Variants in SHROOM2 observed in about 807,000 individuals in gnomAD.
SHROOM2 encodes the protein shroom family member 2, also known as protein Shroom2.
In SHROOM2, 33 loss-of-function variants were observed where a neutral mutation model predicts 75.9. That is an observed-to-expected ratio of 0.43 (90% CI 0.33 to 0.58). SHROOM2 has a LOEUF of 0.58. Ranked by LOEUF, SHROOM2 falls within the 20% of genes least tolerant of loss-of-function variation. The pLI, the probability that SHROOM2 is intolerant of heterozygous loss-of-function variation, is 0.04. For missense variants in SHROOM2, 1,434 were observed against 1,461.2 expected (o/e 0.98, Z 0.30); for synonymous variants, 655 against 663.6 (o/e 0.99, Z 0.20).
rs775642466 is a variant in SHROOM2 at position 9,907,323 on chromosome X, T to C, written c.2891+9033T>C. On this transcript the variant is annotated intron_variant, in intron 5 of 9. Coordinates refer to ENST00000380913, the MANE Select transcript of SHROOM2 (RefSeq NM_001649.4). ...ACTGGAGCCGGTGTAACACAGGCTG[T>C]GTCTCTGAATAGAAAGTCTCCACAC... 5.4e-5 allele frequency among the ~76,000 whole-genome samples: 6 copies of C among 111,036 alleles called. No individual in the cohort carries two copies. In the South Asian group the frequency reaches 2.3e-3, roughly 42 times the overall value.
intron 1 of SHROOM2, among the ~76,000 whole-genome samples, chrX:9,809,516 C>G (rs1195770818): frequency 8.9e-6 from 1 of 111,918 alleles, no homozygotes; most frequent in Non-Finnish European, 1.9e-5. Flanking sequence ...CACCCCTTGT[C>G]AATGTGAGAT....
rs750299739 is a variant in SHROOM2, at chrX:9,896,145, C to T, written c.2237C>T (p.Pro746Leu). 4.1e-6 allele frequency: 5 copies of T among 1,207,170 alleles called. No homozygotes were observed. The highest frequency in any genetic ancestry group is 2.3e-4 in the Middle Eastern group (1 of 4,350). ...PSSTSGGPHP[P>L]RIGGRRRFTA... ...TCTACAAGTGGCGGGCCCCACCCGC[C>T]CCGCATCGGAGGCCGGAGACGGTTC... Residue 746 changes from proline (P) to leucine (L), a missense_variant, in exon 4 of 10, where the codon CCC becomes CTC. By Grantham distance (98) the Pro-to-Leu change is moderately conservative. This residue lies in a region of SHROOM2 where 1,340 missense variants were observed against 1,338.3 expected (regional missense o/e 1.00). Coordinates refer to ENST00000380913, the MANE Select transcript of SHROOM2 (RefSeq NM_001649.4).
intron 1 of SHROOM2, among the ~76,000 whole-genome samples, chrX:9,851,102 G>C (rs12847044): frequency 9.0e-6 from 1 of 111,166 alleles, no homozygotes; most frequent in African/African-American, 3.3e-5. Flanking sequence ...TCCACCTCCT[G>C]GGCACAAGTG....
chrX:9,899,347 A>G (rs4830674), intron 5 of SHROOM2, among the ~76,000 whole-genome samples: 58,802 of 109,623 alleles, frequency 0.54, 12,593 homozygotes, highest in South Asian at 0.72. Context: ...GATGTGGTGC[A>G]ATCTTGTTTC....
Position 9,932,407 on chromosome X carries a change from C to A in SHROOM2, c.3124C>A (p.His1042Asn), listed in dbSNP as rs2084657525. The A allele has an allele frequency of 1.7e-6, 2 of 1,208,910 alleles. No homozygotes were observed. Among genetic ancestry groups the A allele is most frequent in the Non-Finnish European group, 2.2e-6 (2 of 893,841 alleles). The change falls in exon 6 of 10, where the codon CAT (histidine) becomes AAT (asparagine). Residue 1042 changes from histidine to asparagine, a missense_variant. Coordinates refer to ENST00000380913, the MANE Select transcript of SHROOM2 (RefSeq NM_001649.4). ...PRAQSPGSPL[H>N]ARGQDSWPVS... ...AGCCCAGAGCCCTGGCTCACCCCTGCATGCTCGAGGACAAGACTCGTGGCC... is the reference window on the plus strand; with the variant it reads ...AGCCCAGAGCCCTGGCTCACCCCTGAATGCTCGAGGACAAGACTCGTGGCC...
At chrX:9,792,159 T>G (rs113651860) in intron 1 of SHROOM2, among the ~76,000 whole-genome samples, 2 of 7,413 alleles carry the variant, frequency 2.7e-4, no homozygotes, top group East Asian at 1.7e-3. Flanking sequence ...TAGAATAGAA[T>G]AATCACCAGT....
chrX:9,840,596 A>G (rs2083974504), intron 1 of SHROOM2, among the ~76,000 whole-genome samples: 1 of 112,062 alleles, frequency 8.9e-6, no homozygotes, highest in African/African-American at 3.2e-5. Flanking sequence ...CTAAATGAAA[A>G]CACTCAGAAT....
At chrX:9,813,304 C>G (rs189146428) in intron 1 of SHROOM2, among the ~76,000 whole-genome samples, 9 of 110,961 alleles carry the variant, frequency 8.1e-5, no homozygotes, top group African/African-American at 2.6e-4. Context: ...CAGGATGAGT[C>G]TGGGGACCCA....
At chrX:9,845,351 G>A (rs2084000552) in intron 1 of SHROOM2, among the ~76,000 whole-genome samples, 1 of 111,707 alleles carries the variant, frequency 9.0e-6, no homozygotes, top group South Asian at 3.7e-4. Flanking sequence ...GAATGTTTTC[G>A]AGAGATTTAG....
At chrX:9,832,872 G>T (rs1210552246) in intron 1 of SHROOM2, among the ~76,000 whole-genome samples, 4 of 111,463 alleles carry the variant, frequency 3.6e-5, no homozygotes, top group Non-Finnish European at 7.5e-5. Context: ...TTGTGTATAG[G>T]AAGTACTAGA....
chrX:9,833,300 T>C lies in SHROOM2; in HGVS notation c.166-40352T>C, dbSNP rs2083925780. Among the ~76,000 whole-genome samples the C allele has an allele frequency of 3.6e-5, 4 of 111,604 alleles. No homozygotes were observed. The South Asian group carries it at 1.1e-3, about 32-fold the overall frequency. On this transcript the variant is annotated intron_variant, in intron 1 of 9. Coordinates refer to ENST00000380913, the MANE Select transcript of SHROOM2 (RefSeq NM_001649.4). ...AATACACTTTTTGTCCAGTTTTCTC[T>C]CTGGCTCTTGTGTTAGTGTAGTGAC...
intron 1 of SHROOM2, among the ~76,000 whole-genome samples, chrX:9,851,403 T>G (rs1183939702): frequency 2.7e-5 from 3 of 110,088 alleles, no homozygotes; most frequent in African/African-American, 9.9e-5. Context: ...CAACAGTACC[T>G]TTTTTGTAAT....
Position 9,891,114 on chromosome X carries a change from C to T in SHROOM2, c.449+6C>T, listed in dbSNP as rs773856948. On this transcript the variant is annotated splice_donor_region_variant and intron_variant, in intron 3 of 9. Transcript: ENST00000380913. The stretch of plus-strand genomic sequence containing the variant: ...TCCGGCCGACACCACGCGAGGTAGG[C>T]ACCCATTCCCGTCCAGGATGCCAGG... 1 of 1,201,172 alleles carries T rather than the reference C, an allele frequency of 8.3e-7. No individual in the cohort carries two copies. Among genetic ancestry groups the T allele is most frequent in the Non-Finnish European group, 1.1e-6 (1 of 890,224 alleles).
At chrX:9,882,081 G>C (rs1373955179) in intron 2 of SHROOM2, among the ~76,000 whole-genome samples, 2 of 109,827 alleles carry the variant, frequency 1.8e-5, no homozygotes, top group African/African-American at 6.6e-5. Context: ...ATTGTTTCTT[G>C]AAATCTCTTT....
intron 5 of SHROOM2, among the ~76,000 whole-genome samples, chrX:9,927,863 T>C (rs1162890208): frequency 9.0e-6 from 1 of 110,647 alleles, no homozygotes; most frequent in Non-Finnish European, 1.9e-5. Flanking sequence ...GGTGGGGTGA[T>C]GTCAGGGCAG....
rs868049689 is a variant in SHROOM2, at chrX:9,923,087, T to C, written c.2892-9088T>C. Among the ~76,000 whole-genome samples, 5 of 111,798 alleles carry C rather than the reference T, an allele frequency of 4.5e-5. No individual in the cohort carries two copies. The South Asian group carries it at 1.5e-3, about 34-fold the overall frequency. On this transcript the variant is annotated intron_variant, in intron 5 of 9. Coordinates refer to ENST00000380913, the MANE Select transcript of SHROOM2 (RefSeq NM_001649.4). ...TAAGGGAGAGGGGATGGGAAGACTTTTTACATGTGTGTGGGGAGTCTGATG... is the reference window on the plus strand; with the variant it reads ...TAAGGGAGAGGGGATGGGAAGACTTCTTACATGTGTGTGGGGAGTCTGATG...
At chrX:9,796,820 T>C (rs1036833907) in intron 1 of SHROOM2, among the ~76,000 whole-genome samples, 16 of 110,778 alleles carry the variant, frequency 1.4e-4, no homozygotes, top group Admixed American at 1.2e-3. Context: ...ATTTTTTGTA[T>C]TTTCTGTAGA....
At chrX:9,861,604 A>G (rs1277153210) in intron 1 of SHROOM2, among the ~76,000 whole-genome samples, 2 of 112,490 alleles carry the variant, frequency 1.8e-5, no homozygotes, top group African/African-American at 3.2e-5. Context: ...TGAAGAAATT[A>G]TAACAACAGC....
At chrX:9,824,146 A>C (rs1273721209) in intron 1 of SHROOM2, among the ~76,000 whole-genome samples, 1 of 110,840 alleles carries the variant, frequency 9.0e-6, no homozygotes, top group Non-Finnish European at 1.9e-5. Context: ...CTTAAAAATT[A>C]AGGTCGGCCG....
Sources: gnomAD v4.1 joint callset for allele counts (sites outside exome capture counted in the v4.1 genomes callset) on GRCh38, gnomAD v4.1.1 for gene constraint, gnomAD v4.1.1 regional missense constraint, MANE v1.5 for transcripts, NCBI Gene and HGNC (gene_info 2026-07-23, HGNC 2026-07-21) for gene names.